LARGE1: variants seen among roughly 807,000 people sequenced by gnomAD.
LARGE1 encodes xylosyl- and glucuronyltransferase LARGE1.
In LARGE1, 43 loss-of-function variants were observed where a neutral mutation model predicts 87.6. That is an observed-to-expected ratio of 0.49 (90% CI 0.38 to 0.63). LARGE1 has a LOEUF of 0.63. Among genes scored for constraint, LARGE1 ranks in the 30% least tolerant of loss-of-function variants. The probability of loss-of-function intolerance (pLI) is 0.00; values close to 1 mark genes in which losing one functional copy is unlikely to be tolerated. For synonymous variants in LARGE1, 434 were observed against 394.6 expected, an observed-to-expected ratio of 1.10 and a Z score of -1.18; for missense variants, 802 against 1,000.2, an observed-to-expected ratio of 0.80 and a Z score of 2.67.
At chr22:33,089,648 C>A in the LARGE1 span, among the ~76,000 whole-genome samples, 1 of 151,830 alleles carries the variant, frequency 6.6e-6, no homozygotes, top group Non-Finnish European at 1.5e-5. Context: ...CAGGCACGTG[C>A]ACCACATTCA....
At chr22:33,515,499 T>C (rs190560754) in intron 6 of LARGE1, among the ~76,000 whole-genome samples, 223 of 152,282 alleles carry the variant, frequency 1.5e-3, no homozygotes, top group African/African-American at 5.2e-3. Context: ...TATGTGTTTG[T>C]TGAATGAATG....
chr22:33,779,984 T>C (rs925001629), intron 1 of LARGE1, among the ~76,000 whole-genome samples: 2 of 135,440 alleles, frequency 1.5e-5, no homozygotes, highest in African/African-American at 4.9e-5. Flanking sequence ...CTCACAGTTC[T>C]GTGGGCTAGA....
At chr22:33,842,737 G>A (rs1446644667) in intron 1 of LARGE1, among the ~76,000 whole-genome samples, 1 of 152,132 alleles carries the variant, frequency 6.6e-6, no homozygotes, top group African/African-American at 2.4e-5. Context: ...AGCTGCAGGT[G>A]GCTATTGAGA....
downstream of LARGE1, among the ~76,000 whole-genome samples, chr22:33,160,777 C>A (rs747798802): frequency 6.6e-6 from 1 of 152,234 alleles, no homozygotes; most frequent in East Asian, 1.9e-4. Flanking sequence ...ACAGCATTTG[C>A]TTTAAGCTTC....
chr22:33,325,036 A>G (rs1428155471), intron 10 of LARGE1, among the ~76,000 whole-genome samples: 1 of 152,216 alleles, frequency 6.6e-6, no homozygotes, highest in Non-Finnish European at 1.5e-5. Flanking sequence ...AGGTTTAGCC[A>G]TTGCTTAAGG....
At chr22:33,217,515 A>G (rs1346666208) in intron 11 of LARGE1, among the ~76,000 whole-genome samples, 1 of 152,216 alleles carries the variant, frequency 6.6e-6, no homozygotes, top group Non-Finnish European at 1.5e-5. Context: ...ATACATTCAT[A>G]TGACACCATT....
At chr22:33,764,380 C>T (rs766767848) in intron 1 of LARGE1, among the ~76,000 whole-genome samples, 8 of 152,166 alleles carry the variant, frequency 5.3e-5, no homozygotes, top group Non-Finnish European at 1.0e-4. Flanking sequence ...GTCCCTCATA[C>T]AAATGGGCAT....
chr22:33,418,721 G>A (rs1233568252), intron 7 of LARGE1, among the ~76,000 whole-genome samples: 2 of 151,930 alleles, frequency 1.3e-5, no homozygotes, highest in Non-Finnish European at 2.9e-5. Flanking sequence ...GAGGCGGCTG[G>A]AGTGAGCAGG....
Position 33,274,147 on chromosome 22 carries a change from C to A in LARGE1, c.*280G>T, listed in dbSNP as rs527889924. 20 of 561,196 alleles carry A rather than the reference C, an allele frequency of 3.6e-5. No individual in the cohort carries two copies. The highest frequency in any genetic ancestry group is 3.4e-4 in the African/African-American group (18 of 53,174). The allele number at this position is 561,196 out of a possible 1,614,324, so 34.8% of individuals were successfully genotyped here. A position where few individuals can be genotyped will look rare whatever the true frequency, so the allele number is the denominator to read the frequency against. On this transcript the variant is annotated 3_prime_UTR_variant, in exon 15 of 15. Transcript: ENST00000397394. ...TGTGGCTTTGCAGTAAGATGATAAC[C>A]CTTTTACTCCCTGTCACCCCTTGAT...
chr22:33,818,917 G>GTC (rs1019885396), intron 1 of LARGE1, among the ~76,000 whole-genome samples: 1 of 152,108 alleles, frequency 6.6e-6, no homozygotes, highest in Non-Finnish European at 1.5e-5. Flanking sequence ...AGTTCTATTA[G>GTC]TCTCTCCACA....
intron 1 of LARGE1, among the ~76,000 whole-genome samples, chr22:33,773,000 C>T (rs1221964426): frequency 1.3e-5 from 2 of 152,184 alleles, no homozygotes; most frequent in African/African-American, 4.8e-5. Flanking sequence ...GAAATGGAAT[C>T]CACACAGCAT....
intron 5 of LARGE1, among the ~76,000 whole-genome samples, chr22:33,580,538 G>A (rs1020907598): frequency 3.9e-5 from 6 of 152,180 alleles, no homozygotes; most frequent in African/African-American, 1.4e-4. Context: ...GTGGAATAAA[G>A]GCCTGATCAC....
intron 1 of LARGE1, among the ~76,000 whole-genome samples, chr22:33,919,102 G>GA (rs5845124): frequency 0.12 from 15,670 of 127,236 alleles, 1,203 homozygotes; most frequent in East Asian, 0.35. Flanking sequence ...GCACAGAGAC[G>GA]AAAAAAAAAA....
chr22:33,152,843 C>T, the LARGE1 span, among the ~76,000 whole-genome samples: 2 of 152,034 alleles, frequency 1.3e-5, no homozygotes, highest in Non-Finnish European at 2.9e-5. Flanking sequence ...AGTTTGTGCT[C>T]TATTTTGTTG....
chr22:33,446,066 G>A (rs145860937), intron 6 of LARGE1, among the ~76,000 whole-genome samples: 1 of 152,200 alleles, frequency 6.6e-6, no homozygotes, highest in Non-Finnish European at 1.5e-5. Context: ...AACCTGCAGG[G>A]AGGCGGCAGT....
intron 9 of LARGE1, among the ~76,000 whole-genome samples, chr22:33,359,586 T>C (rs1257114814): frequency 3.5e-5 from 5 of 141,548 alleles, no homozygotes; most frequent in African/African-American, 5.3e-5. Flanking sequence ...TTTTTTGAGA[T>C]GGAGTCTCGC....
intron 9 of LARGE1, among the ~76,000 whole-genome samples, chr22:33,358,346 T>A (rs77717407): frequency 6.6e-6 from 1 of 151,834 alleles, no homozygotes; most frequent in Non-Finnish European, 1.5e-5. Flanking sequence ...AAAATCAACC[T>A]TAACATTCAT....
At chr22:33,785,365 G>A (rs954814576) in intron 1 of LARGE1, among the ~76,000 whole-genome samples, 2 of 151,932 alleles carry the variant, frequency 1.3e-5, no homozygotes, top group African/African-American at 4.8e-5. Flanking sequence ...GAAGTATTCA[G>A]ATGTTACACA....
intron 2 of LARGE1, among the ~76,000 whole-genome samples, chr22:33,709,133 C>T (rs950341311): frequency 3.3e-5 from 5 of 152,304 alleles, no homozygotes; most frequent in African/African-American, 1.2e-4. Context: ...AACACAACTT[C>T]GGACATGGAG....
Sources: allele counts gnomAD v4.1 joint callset (sites outside exome capture counted in the v4.1 genomes callset), GRCh38; gene constraint gnomAD v4.1.1; transcripts MANE v1.5; gene names NCBI Gene and HGNC (gene_info 2026-07-23, HGNC 2026-07-21).